Variants in SLIT2 observed in about 807,000 individuals in gnomAD.
The protein encoded by SLIT2 is slit homolog 2 protein.
SLIT2 carries 41 observed loss-of-function variants against 185.7 expected under a neutral mutation model. The observed-to-expected ratio is 0.22, with a 90% CI of 0.17 to 0.29. The LOEUF is 0.29. SLIT2 is among the 10% of genes least tolerant of loss of function. SLIT2 has a pLI of 1.00. For synonymous variants in SLIT2, 693 were observed against 680.2 expected (o/e 1.02, Z -0.29); for missense variants, 1,571 against 1,909.0 (o/e 0.82, Z 3.30).
intron 9 of SLIT2, among the ~76,000 whole-genome samples, chr4:20,503,456 CTAAG>C (rs1454926814): frequency 3.3e-5 from 5 of 152,044 alleles, no homozygotes; most frequent in Admixed American, 3.3e-4. Flanking sequence ...AACAAAACTT[CTAAG>C]TGTTTTTCTT....
chr4:20,397,857 C>T (rs1577575987), intron 4 of SLIT2, among the ~76,000 whole-genome samples: 1 of 151,836 alleles, frequency 6.6e-6, no homozygotes, highest in South Asian at 2.1e-4. Context: ...CACATTATCC[C>T]AGATGTGATC....
chr4:20,254,021 T>G lies in SLIT2; in HGVS notation c.179+27T>G. 1 of 1,587,512 alleles carries G rather than the reference T, an allele frequency of 6.3e-7. No homozygotes were observed. The highest frequency in any genetic ancestry group is 8.5e-7 in the Non-Finnish European group (1 of 1,170,164). On this transcript the variant is annotated intron_variant, in intron 1 of 36. Coordinates refer to ENST00000504154, the MANE Select transcript of SLIT2 (RefSeq NM_004787.4). The surrounding 1 kb of genome is among the most constrained non-coding windows in gnomAD (Gnocchi z 5.1). The stretch of plus-strand genomic sequence containing the variant: ...TGAGTATGCGCTCTTCGTCTTCCCC[T>G]CTCCCCATCCGGGCCGCGCACCCCT...
intron 30 of SLIT2, among the ~76,000 whole-genome samples, chr4:20,594,257 A>G (rs1385411863): frequency 6.9e-6 from 1 of 145,346 alleles, no homozygotes; most frequent in Non-Finnish European, 1.5e-5. Context: ...ATACATATAC[A>G]TACACGCATA....
intron 4 of SLIT2, among the ~76,000 whole-genome samples, chr4:20,412,643 T>C (rs1727349050): frequency 6.6e-6 from 1 of 152,068 alleles, no homozygotes; most frequent in Non-Finnish European, 1.5e-5. Context: ...AATTTTTAAA[T>C]AAAATTTTTA....
At chr4:20,412,038 C>G (rs1249676301) in intron 4 of SLIT2, among the ~76,000 whole-genome samples, 1 of 152,030 alleles carries the variant, frequency 6.6e-6, no homozygotes, top group Non-Finnish European at 1.5e-5. Flanking sequence ...TCGTTTTATA[C>G]TATTTTGGAT....
intron 16 of SLIT2, among the ~76,000 whole-genome samples, chr4:20,531,619 G>A (rs569307122): frequency 6.6e-6 from 1 of 152,246 alleles, no homozygotes; most frequent in Admixed American, 6.5e-5. Context: ...TTCTAATAAA[G>A]CTGTAATTTT....
chr4:20,393,358 C>T (rs967053390), intron 4 of SLIT2: 4 of 152,046 alleles, frequency 2.6e-5, no homozygotes, highest in Non-Finnish European at 1.5e-5. Context: ...AGAATCCTGA[C>T]CCTTGGGAAT....
At chr4:20,576,490 T>G (rs1455168108) in intron 29 of SLIT2, among the ~76,000 whole-genome samples, 1 of 152,204 alleles carries the variant, frequency 6.6e-6, no homozygotes, top group Non-Finnish European at 1.5e-5. Flanking sequence ...TTTGTGTATA[T>G]TTTTAGATTT....
chr4:20,510,955 A>G (rs761414531), intron 10 of SLIT2, 111 bp from the exon 11 acceptor site: 49 of 633,688 alleles, frequency 7.7e-5, no homozygotes, highest in Non-Finnish European at 3.7e-5. Context: ...CACGTTTTGG[A>G]CATGTCTTGA....
chr4:20,486,091 G>T (rs1577759820), intron 6 of SLIT2, 109 bp from the exon 7 acceptor site: 2 of 688,658 alleles, frequency 2.9e-6, no homozygotes, highest in Admixed American at 4.9e-5. Flanking sequence ...TCTCTACCAG[G>T]TAGCTGTCCT....
At chr4:20,483,788 C>T (rs1336385446) in intron 6 of SLIT2, among the ~76,000 whole-genome samples, 2 of 152,000 alleles carry the variant, frequency 1.3e-5, no homozygotes, top group East Asian at 3.9e-4. Context: ...CAGAAATAGA[C>T]TTACACATGG....
chr4:20,594,621 G>A (rs907980633), intron 30 of SLIT2, among the ~76,000 whole-genome samples: 1 of 152,006 alleles, frequency 6.6e-6, no homozygotes, highest in African/African-American at 2.4e-5. Context: ...ACTGCTGCAC[G>A]TGCCACACTG....
intron 4 of SLIT2, among the ~76,000 whole-genome samples, chr4:20,381,108 G>A (rs1222593536): frequency 1.3e-5 from 2 of 151,992 alleles, no homozygotes; most frequent in African/African-American, 2.4e-5. Flanking sequence ...ACAAAAATTA[G>A]CTGAGAGTGG....
At chr4:20,352,675 A>C (rs1297607947) in intron 4 of SLIT2, among the ~76,000 whole-genome samples, 3 of 152,178 alleles carry the variant, frequency 2.0e-5, no homozygotes, top group African/African-American at 7.2e-5. Flanking sequence ...GCACTTTGGG[A>C]GGCCGAGGCA....
Position 20,390,411 on chromosome 4 carries a change from T to C in SLIT2, c.396-77341T>C, listed in dbSNP as rs569212836. 5.7e-4 allele frequency among the ~76,000 whole-genome samples: 87 copies of C among 152,194 alleles called. No individual in the cohort carries two copies. The South Asian group carries it at 0.014, about 25-fold the overall frequency. On this transcript the variant is annotated intron_variant, in intron 4 of 36. Coordinates refer to ENST00000504154, the MANE Select transcript of SLIT2 (RefSeq NM_004787.4). ...TTCAAGACTGATGCTTTGCAGTGGA[T>C]GATAGGAAAAATAATACAGAGATAA... is the stretch of plus-strand genomic sequence containing the variant.
In SLIT2 at chr4:20,620,436, G is replaced by GA. The variant is rs1478262959; in HGVS notation, c.*1431dup. ...TGTAAAGATGCAGATGTTTCTTCCT[G>GA]AAAACTTCTTTTTTTACAAAGAAAA... On this transcript the variant is annotated 3_prime_UTR_variant, in exon 37 of 37. Transcript: ENST00000504154. The GA allele has an allele frequency of 4.4e-6, 2 of 454,824 alleles. No individual in the cohort carries two copies. The highest frequency in any genetic ancestry group is 4.7e-5 in the Admixed American group (2 of 42,228). The allele number at this position is 454,824 out of a possible 1,614,324, so 28.2% of individuals were successfully genotyped here.
At chr4:20,404,637 A>G (rs1726626219) in intron 4 of SLIT2, among the ~76,000 whole-genome samples, 1 of 152,070 alleles carries the variant, frequency 6.6e-6, no homozygotes, top group African/African-American at 2.4e-5. Context: ...GAATGCATGA[A>G]TGAATGAACA....
At chr4:20,392,401 G>A (rs1190386866) in intron 4 of SLIT2, 10 of 152,072 alleles carry the variant, frequency 6.6e-5, no homozygotes, top group African/African-American at 2.2e-4. Context: ...AAATTGCATC[G>A]TTCATTGAAT....
intron 4 of SLIT2, among the ~76,000 whole-genome samples, chr4:20,414,684 T>C (rs1727520056): frequency 1.3e-5 from 2 of 152,212 alleles, no homozygotes; most frequent in Non-Finnish European, 2.9e-5. Flanking sequence ...GAATTTCAAA[T>C]ATGTTATTTC....
Sources: gnomAD v4.1 joint callset for allele counts (sites outside exome capture counted in the v4.1 genomes callset) on GRCh38, gnomAD v4.1.1 for gene constraint, Gnocchi (gnomAD v3.1) non-coding constraint, MANE v1.5 for transcripts, NCBI Gene and HGNC (gene_info 2026-07-23, HGNC 2026-07-21) for gene names.